FIP1L1: variants seen among roughly 807,000 people sequenced by gnomAD.
FIP1L1 encodes factor interacting with PAPOLA and CPSF1, also known as pre-mRNA 3'-end-processing factor FIP1.
In FIP1L1, 21 loss-of-function variants were observed where a neutral mutation model predicts 84.6. That is an observed-to-expected ratio of 0.25 (90% CI 0.18 to 0.36). The LOEUF is 0.36. Among genes scored for constraint, FIP1L1 ranks in the 10% least tolerant of loss-of-function variants. FIP1L1 has a pLI of 1.00. For synonymous variants in FIP1L1, 263 were observed against 242.3 expected, an observed-to-expected ratio of 1.09 and a Z score of -0.80; for missense variants, 526 against 751.1, an observed-to-expected ratio of 0.70 and a Z score of 3.50.
At chr4:53,383,690 G>A in intron 4 of FIP1L1, 83 bp from the exon 5 acceptor site, 3 of 1,329,568 alleles carry the variant, frequency 2.3e-6, no homozygotes, top group Non-Finnish European at 3.0e-6. Context: ...AAAAAAACAG[G>A]GTGGTTACTT....
chr4:53,436,122 A>G (rs971277213), intron 13 of FIP1L1, among the ~76,000 whole-genome samples: 1 of 152,212 alleles, frequency 6.6e-6, no homozygotes, highest in African/African-American at 2.4e-5. Context: ...GTGAATTTGA[A>G]TAGAGAAAAG....
chr4:53,460,024 C>T lies in FIP1L1; in HGVS notation c.*575C>T, dbSNP rs1338249928. 1.5e-5 allele frequency: 3 copies of T among 203,438 alleles called. No individual in the cohort carries two copies. Among genetic ancestry groups the T allele is most frequent in the African/African-American group, 2.4e-5 (1 of 42,358 alleles). The allele number at this position is 203,438 out of a possible 1,614,324, so 12.6% of individuals were successfully genotyped here. On this transcript the variant is annotated 3_prime_UTR_variant, in exon 18 of 18. Coordinates refer to ENST00000337488, the MANE Select transcript of FIP1L1 (RefSeq NM_030917.4). ...ACTTTCATATCCAAATTAATAAAACCTATAAGGCATCTGGGTGGCCTCTAT... is the reference window on the plus strand; with the variant it reads ...ACTTTCATATCCAAATTAATAAAACTTATAAGGCATCTGGGTGGCCTCTAT...
intron 6 of FIP1L1, 27 bp from the exon 7 acceptor site, chr4:53,390,494 C>A: frequency 6.9e-7 from 1 of 1,458,476 alleles, no homozygotes; most frequent in Non-Finnish European, 9.6e-7. Flanking sequence ...AAGTATAGCT[C>A]CTTCATTTTG....
At chr4:53,410,915 G>A (rs1471957278) in intron 10 of FIP1L1, among the ~76,000 whole-genome samples, 2 of 152,150 alleles carry the variant, frequency 1.3e-5, no homozygotes, top group East Asian at 1.9e-4. Context: ...ATCCACTGGA[G>A]GCCTTAGGAT....
chr4:53,422,708 ATG>A (rs1560544387), intron 11 of FIP1L1, among the ~76,000 whole-genome samples: 1 of 151,008 alleles, frequency 6.6e-6, no homozygotes, highest in Non-Finnish European at 1.5e-5. Context: ...ATATATATAT[ATG>A]TATATATATA....
At chr4:53,427,011 C>T (rs937960615) in intron 12 of FIP1L1, among the ~76,000 whole-genome samples, 1 of 152,080 alleles carries the variant, frequency 6.6e-6, no homozygotes. Context: ...ATAAGTTGAT[C>T]ATGTAAAATA....
At chr4:53,410,279 C>G (rs552792520) in intron 10 of FIP1L1, among the ~76,000 whole-genome samples, 1 of 152,294 alleles carries the variant, frequency 6.6e-6, no homozygotes, top group African/African-American at 2.4e-5. Flanking sequence ...CTTAACTGAG[C>G]TTTTTCACCT....
chr4:53,436,407 T>TCCTCACTGGTG (rs1446400948), intron 13 of FIP1L1, among the ~76,000 whole-genome samples: 1 of 152,234 alleles, frequency 6.6e-6, no homozygotes, highest in African/African-American at 2.4e-5. Flanking sequence ...GGGCTTCAGT[T>TCCTCACTGGTG]CCTCACTGGT....
intron 6 of FIP1L1, among the ~76,000 whole-genome samples, chr4:53,390,200 A>G (rs896182210): frequency 6.6e-6 from 1 of 152,110 alleles, no homozygotes; most frequent in African/African-American, 2.4e-5. Context: ...TTGGCCTCCC[A>G]GAGTGTTGGG....
chr4:53,412,963 C>T (rs1011041385), intron 10 of FIP1L1, among the ~76,000 whole-genome samples: 2 of 152,100 alleles, frequency 1.3e-5, no homozygotes, highest in African/African-American at 2.4e-5. Context: ...TCCCACTCCG[C>T]CACTTATCAC....
chr4:53,406,891 C>A (rs2149606040), intron 10 of FIP1L1, among the ~76,000 whole-genome samples: 1 of 152,034 alleles, frequency 6.6e-6, no homozygotes, highest in East Asian at 1.9e-4. Context: ...GTATTTGATT[C>A]TTTTCTCTTT....
Position 53,382,863 on chromosome 4 carries a change from T to G in FIP1L1, c.228+528T>G, listed in dbSNP as rs192829885. 1.8e-4 allele frequency among the ~76,000 whole-genome samples: 28 copies of G among 152,338 alleles called. No homozygotes were observed. The East Asian group carries it at 5.2e-3, about 28-fold the overall frequency. On this transcript the variant is annotated intron_variant, in intron 4 of 17. Coordinates refer to ENST00000337488, the MANE Select transcript of FIP1L1 (RefSeq NM_030917.4). ...TATTTTGCCTATGTGATCTACTTAT[T>G]TACTATGATGTGATTAAGCACAAAA...
rs1334927986 is a variant in FIP1L1, at chr4:53,460,717, CTAG to C, written c.*1273_*1275del. 2.8e-5 allele frequency: 15 copies of C among 537,782 alleles called. 1 individual carries two copies. Among genetic ancestry groups the C allele is most frequent in the South Asian group, 1.4e-4 (5 of 36,010 alleles). 33.3% of individuals were successfully genotyped at this position (537,782 alleles called of 1,614,324 possible). On this transcript the variant is annotated 3_prime_UTR_variant, in exon 18 of 18. Transcript: ENST00000337488. ...AGAAATCCTCCACACTGAAAAAAAA[CTAG>C]TAGTTTTAATTTTTTTGGAATCATA...
At chr4:53,395,890 G>A (rs1203751646) in intron 9 of FIP1L1, among the ~76,000 whole-genome samples, 1 of 151,008 alleles carries the variant, frequency 6.6e-6, no homozygotes, top group African/African-American at 2.4e-5. Context: ...ACCCTGAGTA[G>A]GCCTTAATTG....
In FIP1L1 at chr4:53,442,881, T is replaced by TA. The variant is rs147148096; in HGVS notation, c.1229+175dup. Reference sequence around the variant, plus strand: ...ATAAGATGTTGGACCTGTAGCCCGATATCAAAACAGGGCAAAGAAAACTAA... The same window carrying TA: ...ATAAGATGTTGGACCTGTAGCCCGATAATCAAAACAGGGCAAAGAAAACTAA... On this transcript the variant is annotated intron_variant, in intron 14 of 17. Transcript: ENST00000337488. 6.7e-3 allele frequency among the ~76,000 whole-genome samples: 1,016 copies of TA among 152,192 alleles called. 12 individuals carry two copies. Among genetic ancestry groups the TA allele is most frequent in the African/African-American group, 0.024 (979 of 41,568 alleles).
In FIP1L1 at chr4:53,382,414, G is replaced by T. The variant is rs577739320; in HGVS notation, c.228+79G>T. 1.7e-6 allele frequency: 2 copies of T among 1,157,422 alleles called. 1 individual carries two copies. Among genetic ancestry groups the T allele is most frequent in the Admixed American group, 3.5e-5 (2 of 57,274 alleles). The allele number at this position is 1,157,422 out of a possible 1,614,324, so 71.7% of individuals were successfully genotyped here. A position where few individuals can be genotyped will look rare whatever the true frequency, so the allele number is the denominator to read the frequency against. On this transcript the variant is annotated intron_variant, in intron 4 of 17. Coordinates refer to ENST00000337488, the MANE Select transcript of FIP1L1 (RefSeq NM_030917.4). ...CACAGTTTACATAGAAAGCAAGCTG[G>T]CATTTTACATTACCTTCAGTATCAG... is the stretch of plus-strand genomic sequence containing the variant.
intron 15 of FIP1L1, among the ~76,000 whole-genome samples, chr4:53,447,269 T>G (rs1774616913): frequency 6.6e-6 from 1 of 152,106 alleles, no homozygotes. Context: ...ACTACCCTTC[T>G]GTTTTCTCCC....
In FIP1L1 at chr4:53,459,553, G is replaced by T; in HGVS notation, c.*104G>T. 3 of 1,497,942 alleles carry T rather than the reference G, an allele frequency of 2.0e-6. No individual in the cohort carries two copies. The highest frequency in any genetic ancestry group is 2.7e-6 in the Non-Finnish European group (3 of 1,093,780). 92.8% of individuals were successfully genotyped at this position (1,497,942 alleles called of 1,614,324 possible). A position where few individuals can be genotyped will look rare whatever the true frequency, so the allele number is the denominator to read the frequency against. The stretch of plus-strand genomic sequence containing the variant: ...AGAAATTTACCTTAAATCTTGTTCT[G>T]TTTGTTAGTATGAAAAGTTAACTTT... On this transcript the variant is annotated 3_prime_UTR_variant, in exon 18 of 18. Coordinates refer to ENST00000337488, the MANE Select transcript of FIP1L1 (RefSeq NM_030917.4).
At chr4:53,430,507 T>C (rs1006305939) in intron 13 of FIP1L1, among the ~76,000 whole-genome samples, 21 of 151,628 alleles carry the variant, frequency 1.4e-4, no homozygotes, top group Non-Finnish European at 2.7e-4. Context: ...ATACCCGGCA[T>C]TTTTGTATTT....
Sources: allele counts gnomAD v4.1 joint callset (sites outside exome capture counted in the v4.1 genomes callset), GRCh38; gene constraint gnomAD v4.1.1; transcripts MANE v1.5; gene names NCBI Gene and HGNC (gene_info 2026-07-23, HGNC 2026-07-21).